The following DNAH12 variants were observed in gnomAD, a reference collection of about 807,000 sequenced individuals.
The protein encoded by DNAH12 is dynein axonemal heavy chain 12.
DNAH12 carries 285 observed loss-of-function variants against 371.5 expected under a neutral mutation model. That is an observed-to-expected ratio of 0.77 (90% CI 0.70 to 0.85). The LOEUF is 0.85. Ranked by LOEUF, DNAH12 falls within the 40% of genes least tolerant of loss-of-function variation. DNAH12 has a pLI of 0.00. For synonymous variants in DNAH12, 1,200 were observed against 1,213.0 expected, an observed-to-expected ratio of 0.99 and a Z score of 0.22; for missense variants, 3,611 against 3,689.4, an observed-to-expected ratio of 0.98 and a Z score of 0.55.
At chr3:57,404,148 C>T (rs1046385729) in intron 42 of DNAH12, among the ~76,000 whole-genome samples, 21 of 152,228 alleles carry the variant, frequency 1.4e-4, no homozygotes, top group Admixed American at 7.8e-4. Flanking sequence ...CAAGGAGACA[C>T]GGATGTGAAT....
intron 2 of DNAH12, among the ~76,000 whole-genome samples, chr3:57,531,677 C>T (rs1310376816): frequency 6.6e-6 from 1 of 150,448 alleles, no homozygotes; most frequent in African/African-American, 2.5e-5. Flanking sequence ...GCAGAAGAAT[C>T]CCTTGAACCC....
In DNAH12 at chr3:57,461,696, C is replaced by A. The variant is rs200239369; in HGVS notation, c.2536-7G>T. Reference sequence around the variant, plus strand: ...CTTTCTCTAATGAAAATTCCTAAAACGGAGGAATGAAGAAAGAACGGGATG... The same window carrying A: ...CTTTCTCTAATGAAAATTCCTAAAAAGGAGGAATGAAGAAAGAACGGGATG... On this transcript the variant is annotated splice_polypyrimidine_tract_variant and splice_region_variant and intron_variant, in intron 18 of 73. Transcript: ENST00000495027. 6.5e-7 allele frequency: 1 copy of A among 1,547,886 alleles called. No individual in the cohort carries two copies. The highest frequency in any genetic ancestry group is 8.7e-7 in the Non-Finnish European group (1 of 1,145,442).
At chr3:57,512,029 T>C (rs1007217890) in intron 4 of DNAH12, among the ~76,000 whole-genome samples, 2 of 151,624 alleles carry the variant, frequency 1.3e-5, no homozygotes, top group Non-Finnish European at 2.9e-5. Context: ...ATTCAAATAC[T>C]AGATACAAAA....
chr3:57,305,914 G>A (rs2061459841), intron 69 of DNAH12, among the ~76,000 whole-genome samples: 2 of 152,148 alleles, frequency 1.3e-5, no homozygotes, highest in African/African-American at 2.4e-5. Context: ...CCGCAGCACC[G>A]AGGCTTTCCT....
chr3:57,297,048 AC>A, intron 70 of DNAH12, 64 bp from the exon 71 acceptor site: 1 of 1,522,462 alleles, frequency 6.6e-7, no homozygotes. Flanking sequence ...CACCTGATGT[AC>A]AATTCCTGAT....
intron 60 of DNAH12, among the ~76,000 whole-genome samples, chr3:57,335,248 C>T (rs2062196024): frequency 1.3e-5 from 2 of 152,098 alleles, no homozygotes; most frequent in Admixed American, 1.3e-4. Context: ...TGCAGTATTG[C>T]TGAATTGAGG....
At chr3:57,470,744 ATT>A in intron 15 of DNAH12, 108 bp from the exon 16 acceptor site, 2 of 1,015,478 alleles carry the variant, frequency 2.0e-6, no homozygotes, top group Non-Finnish European at 1.4e-6. Context: ...CAACAAGTTT[ATT>A]TTTAGGCTGG....
In DNAH12 at chr3:57,403,314, T is replaced by C. The variant is rs1234765203; in HGVS notation, c.6943A>G (p.Met2315Val). 9 of 1,541,736 alleles carry C rather than the reference T, an allele frequency of 5.8e-6. No individual in the cohort carries two copies. The highest frequency in any genetic ancestry group is 1.7e-4 in the Middle Eastern group (1 of 5,944). ...SYGMNEWRED[M>V]KGLLRNVGMK... ...AGGCTTCTTCATAATTTTACCTTCA[T>C]ATCCTCTCTCCATTCATTCATACCA... The change falls in exon 43 of 74, where the codon ATG becomes GTG. Residue 2315 changes from methionine (M) to valine (V), a missense_variant. By Grantham distance (21) the Met-to-Val change is conservative. Coordinates refer to ENST00000495027, the MANE Select transcript of DNAH12 (RefSeq NM_001366028.2).
intron 55 of DNAH12, among the ~76,000 whole-genome samples, chr3:57,372,525 T>C (rs1175343248): frequency 6.6e-6 from 1 of 152,016 alleles, no homozygotes; most frequent in Non-Finnish European, 1.5e-5. Context: ...TATTATAGAA[T>C]TTATGGCATA....
chr3:57,452,622 C>T (rs914477725), intron 25 of DNAH12, among the ~76,000 whole-genome samples: 3 of 152,184 alleles, frequency 2.0e-5, no homozygotes, highest in Non-Finnish European at 2.9e-5. Flanking sequence ...TATCCCCCAT[C>T]GGAGTGACTC....
rs918627774 is a variant in DNAH12 at position 57,521,066 on chromosome 3, A to T, written c.279+2517T>A. ...GCGACAAAGTGAGACTCTGTCTCAA[A>T]AAAAAAAAAAAAAAAAAAAAAAAAA... is the stretch of plus-strand genomic sequence containing the variant. On this transcript the variant is annotated intron_variant, in intron 4 of 73. Transcript: ENST00000495027. 2.4e-4 allele frequency among the ~76,000 whole-genome samples: 5 copies of T among 21,182 alleles called. No individual in the cohort carries two copies. In the South Asian group the frequency reaches 9.5e-3, roughly 40 times the overall value. 13.9% of individuals were successfully genotyped at this position (21,182 alleles called of 152,430 possible). A position where few individuals can be genotyped will look rare whatever the true frequency, so the allele number is the denominator to read the frequency against.
upstream of DNAH12, among the ~76,000 whole-genome samples, chr3:57,548,572 G>T (rs963585482): frequency 1.3e-5 from 2 of 152,080 alleles, no homozygotes; most frequent in South Asian, 2.1e-4. Context: ...AGGCGTTGGT[G>T]GTGTGCACTT....
At chr3:57,363,508 T>C (rs945110269) in intron 58 of DNAH12, 86 bp downstream of exon 58, 1 of 152,076 alleles carries the variant, frequency 6.6e-6, no homozygotes, top group Non-Finnish European at 1.5e-5. Flanking sequence ...AACACCTTCC[T>C]TGGGGACTGG....
At chr3:57,544,133 T>G (rs1176808089) in intron 1 of DNAH12, 64 bp downstream of exon 1, 1 of 152,230 alleles carries the variant, frequency 6.6e-6, no homozygotes, top group Non-Finnish European at 1.5e-5. Context: ...AGTGTTTAAG[T>G]TGGCACCCAA....
intron 58 of DNAH12, among the ~76,000 whole-genome samples, 181 bp downstream of exon 58, chr3:57,363,413 T>A (rs1217520842): frequency 6.6e-6 from 1 of 152,236 alleles, no homozygotes; most frequent in Non-Finnish European, 1.5e-5. Context: ...TTTAAATAAT[T>A]TAACAGTAAG....
In DNAH12 at chr3:57,415,413, T is replaced by C. The variant is rs931299563; in HGVS notation, c.5853+13A>G. 1.9e-6 allele frequency: 3 copies of C among 1,545,766 alleles called. No individual in the cohort carries two copies. The highest frequency in any genetic ancestry group is 2.6e-6 in the Non-Finnish European group (3 of 1,145,772). On this transcript the variant is annotated intron_variant, in intron 38 of 73. Coordinates refer to ENST00000495027, the MANE Select transcript of DNAH12 (RefSeq NM_001366028.2). ...AATTAACGATAGACCCCCATTTCTG[T>C]CTTTAAACTAACCTGAACCTGATTG...
At chr3:57,472,721 T>C (rs1378093684) in intron 13 of DNAH12, 50 bp from the exon 14 acceptor site, 21 of 1,512,646 alleles carry the variant, frequency 1.4e-5, no homozygotes, top group South Asian at 3.8e-5. Context: ...ATCTACATCA[T>C]TATGAAAAAG....
intron 25 of DNAH12, among the ~76,000 whole-genome samples, chr3:57,449,935 A>G (rs2065699468): frequency 6.6e-6 from 1 of 152,156 alleles, no homozygotes; most frequent in African/African-American, 2.4e-5. Context: ...CTCAGTGTCT[A>G]GTGTTATATT....
intron 32 of DNAH12, among the ~76,000 whole-genome samples, chr3:57,432,755 T>C (rs1245202188): frequency 2.0e-5 from 3 of 152,110 alleles, no homozygotes; most frequent in Admixed American, 1.3e-4. Context: ...TGGAGGAAGA[T>C]AAACAAACTA....
Sources: allele counts gnomAD v4.1 joint callset (sites outside exome capture counted in the v4.1 genomes callset), GRCh38; gene constraint gnomAD v4.1.1; transcripts MANE v1.5; gene names NCBI Gene and HGNC (gene_info 2026-07-23, HGNC 2026-07-21).